Variants in HS6ST3 observed in about 807,000 individuals in gnomAD.
The protein encoded by HS6ST3 is heparan-sulfate 6-O-sulfotransferase 3.
HS6ST3 carries 12 observed loss-of-function variants against 36.7 expected under a neutral mutation model. That is an observed-to-expected ratio of 0.33 (90% CI 0.21 to 0.53). The LOEUF (loss-of-function observed/expected upper bound fraction) is 0.53. HS6ST3 is among the 20% of genes least tolerant of loss of function. HS6ST3 has a pLI of 0.95. For missense variants in HS6ST3, 584 were observed against 640.9 expected, an observed-to-expected ratio of 0.91 and a Z score of 0.96; for synonymous variants, 240 against 257.5, an observed-to-expected ratio of 0.93 and a Z score of 0.65.
At chr13:96,591,206 G>A (rs143314601) in intron 1 of HS6ST3, among the ~76,000 whole-genome samples, 1 of 151,914 alleles carries the variant, frequency 6.6e-6, no homozygotes, top group East Asian at 1.9e-4. Context: ...ATAAATTTTA[G>A]GACTTTTTTT....
chr13:96,309,107 T>G (rs2139408124), intron 1 of HS6ST3, among the ~76,000 whole-genome samples: 1 of 152,270 alleles, frequency 6.6e-6, no homozygotes, highest in Admixed American at 6.5e-5. Context: ...TCCTCAAATT[T>G]TATTCTAATA....
chr13:96,506,085 A>G (rs934198891), intron 1 of HS6ST3, among the ~76,000 whole-genome samples: 10 of 152,108 alleles, frequency 6.6e-5, no homozygotes, highest in Admixed American at 3.9e-4. Flanking sequence ...CCCACCTCTA[A>G]TAAGGACCTA....
intron 1 of HS6ST3, among the ~76,000 whole-genome samples, chr13:96,468,943 T>A (rs2055827628): frequency 6.6e-6 from 1 of 152,208 alleles, no homozygotes; most frequent in African/African-American, 2.4e-5. Context: ...CACCACTGTT[T>A]TCCTCTTGTT....
intron 1 of HS6ST3, among the ~76,000 whole-genome samples, chr13:96,655,851 C>A (rs1331490486): frequency 1.3e-5 from 2 of 152,098 alleles, no homozygotes; most frequent in African/African-American, 4.8e-5. Context: ...ACTTGTCAAT[C>A]TTCTATCAGG....
intron 1 of HS6ST3, among the ~76,000 whole-genome samples, chr13:96,316,225 C>T (rs2054968624): frequency 6.6e-6 from 1 of 151,440 alleles, no homozygotes; most frequent in East Asian, 1.9e-4. Flanking sequence ...TACACATACA[C>T]ATATGTGCAT....
At chr13:96,526,537 C>T (rs1404941337) in intron 1 of HS6ST3, among the ~76,000 whole-genome samples, 1 of 152,168 alleles carries the variant, frequency 6.6e-6, no homozygotes, top group Non-Finnish European at 1.5e-5. Flanking sequence ...AAATTGGCAA[C>T]TCACCTTTTT....
intron 1 of HS6ST3, among the ~76,000 whole-genome samples, chr13:96,388,988 G>A (rs2055382397): frequency 6.6e-6 from 1 of 152,060 alleles, no homozygotes; most frequent in Admixed American, 6.6e-5. Context: ...CACTACTTTT[G>A]GCTACATCCT....
At chr13:96,150,726 C>T (rs2054081036) in intron 1 of HS6ST3, among the ~76,000 whole-genome samples, 1 of 152,032 alleles carries the variant, frequency 6.6e-6, no homozygotes, top group Non-Finnish European at 1.5e-5. Context: ...GCAGGATGCC[C>T]CAATTTTCTG....
At chr13:96,493,697 A>G (rs2055958194) in intron 1 of HS6ST3, among the ~76,000 whole-genome samples, 1 of 152,204 alleles carries the variant, frequency 6.6e-6, no homozygotes, top group African/African-American at 2.4e-5. Flanking sequence ...TTGCTTTGCC[A>G]AAAAGCTATG....
chr13:96,171,538 A>C (rs2054187817), intron 1 of HS6ST3, among the ~76,000 whole-genome samples: 1 of 152,176 alleles, frequency 6.6e-6, no homozygotes, highest in Admixed American at 6.5e-5. Flanking sequence ...AGCCAATCTC[A>C]TACTATATTT....
intron 1 of HS6ST3, among the ~76,000 whole-genome samples, chr13:96,243,216 A>T (rs2054569579): frequency 6.6e-6 from 1 of 152,242 alleles, no homozygotes; most frequent in Admixed American, 6.5e-5. Context: ...GCTGCGAGTC[A>T]TGTATAGCTA....
At chr13:96,152,247 T>G (rs1039608603) in intron 1 of HS6ST3, among the ~76,000 whole-genome samples, 2 of 152,080 alleles carry the variant, frequency 1.3e-5, no homozygotes. Flanking sequence ...CCTCTGCTAT[T>G]ATTGCCACTC....
At chr13:96,393,035 C>T (rs140001188) in intron 1 of HS6ST3, among the ~76,000 whole-genome samples, 104 of 152,192 alleles carry the variant, frequency 6.8e-4, no homozygotes, top group African/African-American at 2.4e-3. Context: ...ATACCGTTTC[C>T]ATGATAGTAA....
chr13:96,174,208 C>T (rs949305864), intron 1 of HS6ST3, among the ~76,000 whole-genome samples: 2 of 152,154 alleles, frequency 1.3e-5, no homozygotes, highest in South Asian at 2.1e-4. Context: ...TACAGCTTCC[C>T]GATGCCAGCT....
chr13:96,234,100 TAA>T (rs550848346), intron 1 of HS6ST3, among the ~76,000 whole-genome samples: 16 of 139,596 alleles, frequency 1.1e-4, no homozygotes, highest in Middle Eastern at 3.7e-3. Flanking sequence ...TTTCATCTGT[TAA>T]AAAAAAAAAA....
At chr13:96,683,718 C>T (rs901630621) in intron 1 of HS6ST3, among the ~76,000 whole-genome samples, 6 of 151,954 alleles carry the variant, frequency 3.9e-5, no homozygotes, top group African/African-American at 1.2e-4. Context: ...CATTTTTCTG[C>T]AGGAGGTAAA....
At chr13:96,616,031 G>A (rs1215693808) in intron 1 of HS6ST3, among the ~76,000 whole-genome samples, 1 of 152,166 alleles carries the variant, frequency 6.6e-6, no homozygotes, top group Non-Finnish European at 1.5e-5. Context: ...ACACTGGCCA[G>A]GAAAAGTGTT....
intron 1 of HS6ST3, among the ~76,000 whole-genome samples, chr13:96,651,562 T>C (rs1457659258): frequency 1.3e-5 from 2 of 152,068 alleles, no homozygotes; most frequent in Non-Finnish European, 2.9e-5. Flanking sequence ...ATCACTCGTA[T>C]TTCCCTATTG....
chr13:96,544,912 C>T (rs1306172930), intron 1 of HS6ST3, among the ~76,000 whole-genome samples: 1 of 152,040 alleles, frequency 6.6e-6, no homozygotes, highest in Non-Finnish European at 1.5e-5. Flanking sequence ...AAATGTATTG[C>T]TTTAAAATGA....
Sources: allele counts gnomAD v4.1 joint callset (sites outside exome capture counted in the v4.1 genomes callset), GRCh38; gene constraint gnomAD v4.1.1; transcripts MANE v1.5; gene names NCBI Gene and HGNC (gene_info 2026-07-23, HGNC 2026-07-21).